MAEL: variants seen among roughly 807,000 people sequenced by gnomAD.
MAEL encodes maelstrom spermatogenic transposon silencer.
MAEL carries 46 observed loss-of-function variants against 62.0 expected under a neutral mutation model. The observed-to-expected ratio is 0.74, with a 90% CI of 0.59 to 0.95. The LOEUF (loss-of-function observed/expected upper bound fraction) is 0.95, where lower values mean the gene tolerates loss of function less well. MAEL is among the 40% of genes least tolerant of loss of function. The probability of loss-of-function intolerance (pLI) is 0.00; values close to 1 mark genes in which losing one functional copy is unlikely to be tolerated. For synonymous variants in MAEL, 172 were observed against 175.5 expected (o/e 0.98, Z 0.16); for missense variants, 497 against 526.8 (o/e 0.94, Z 0.55).
chr1:166,993,251 C>T (rs1571245883), intron 4 of MAEL, among the ~76,000 whole-genome samples: 2 of 152,162 alleles, frequency 1.3e-5, no homozygotes, highest in East Asian at 3.8e-4. Context: ...CCCCTCTGAA[C>T]CTATTAGCTC....
In MAEL at chr1:167,017,873, A is replaced by G. The variant is rs1571280044; in HGVS notation, c.955A>G (p.Thr319Ala). Reference protein sequence around the residue: ...SLATLFGIQLTEAHVPLQDYE... With the variant: ...SLATLFGIQLAEAHVPLQDYE... ...GGCCACTCTCTTTGGAATCCAGCTCACAGAGGCTCATGTACCACTACAAGA... is the reference window on the plus strand; with the variant it reads ...GGCCACTCTCTTTGGAATCCAGCTCGCAGAGGCTCATGTACCACTACAAGA... The change falls in exon 10 of 12, where the codon ACA becomes GCA. Residue 319 changes from threonine (T) to alanine (A), a missense_variant. By Grantham distance (58) the Thr-to-Ala change is moderately conservative. Coordinates refer to ENST00000367872, the MANE Select transcript of MAEL (RefSeq NM_032858.3). The G allele has an allele frequency of 1.2e-6, 2 of 1,613,348 alleles. No individual in the cohort carries two copies. The highest frequency in any genetic ancestry group is 1.3e-5 in the African/African-American group (1 of 74,988).
At chr1:167,013,959 C>G (rs1665276437) in intron 8 of MAEL, among the ~76,000 whole-genome samples, 1 of 152,160 alleles carries the variant, frequency 6.6e-6, no homozygotes, top group African/African-American at 2.4e-5. Flanking sequence ...AGAAGTTCAG[C>G]CTCATGTCTT....
At chr1:166,989,210 A>G (rs1343850357), upstream of MAEL, 3 of 1,100,284 alleles carry the variant, frequency 2.7e-6, no homozygotes, top group Non-Finnish European at 3.8e-6. Flanking sequence ...CCCGCGGGGC[A>G]ATGCGACTGC....
At chr1:166,996,027 A>G (rs952309248) in intron 5 of MAEL, among the ~76,000 whole-genome samples, 3 of 152,222 alleles carry the variant, frequency 2.0e-5, no homozygotes, top group African/African-American at 7.2e-5. Context: ...CATTCCAGGA[A>G]ACTTAAAATG....
chr1:167,014,339 T>G (rs960042996), intron 8 of MAEL, among the ~76,000 whole-genome samples: 1 of 152,246 alleles, frequency 6.6e-6, no homozygotes, highest in Non-Finnish European at 1.5e-5. Flanking sequence ...GAATAGTTTT[T>G]CTTAGTCCAT....
At chr1:166,990,187 G>C (rs1473297523) in intron 2 of MAEL, 1 of 118,670 alleles carries the variant, frequency 8.4e-6, no homozygotes, top group African/African-American at 3.2e-5. Context: ...GCCTTGGCGG[G>C]GGGTGGGGGG....
intron 1 of MAEL, among the ~76,000 whole-genome samples, chr1:166,982,077 A>C (rs981907511): frequency 1.3e-5 from 2 of 152,192 alleles, no homozygotes; most frequent in Admixed American, 1.3e-4. Flanking sequence ...TGAGAAAGAC[A>C]TTGCAAGGAG....
At chr1:167,013,083 G>T (rs1665237229) in intron 8 of MAEL, among the ~76,000 whole-genome samples, 1 of 152,174 alleles carries the variant, frequency 6.6e-6, no homozygotes, top group Non-Finnish European at 1.5e-5. Flanking sequence ...GGATAGATGA[G>T]GAGGAGAGGA....
At position 166,997,761 on chromosome 1, in the gene MAEL, T is replaced by C. The variant is rs1571252463; in HGVS notation, c.523+3692T>C. Among the ~76,000 whole-genome samples, 3 of 152,244 alleles carry C rather than the reference T, an allele frequency of 2.0e-5. No homozygotes were observed. The South Asian group carries it at 6.2e-4, about 31-fold the overall frequency. On this transcript the variant is annotated intron_variant, in intron 5 of 11. Transcript: ENST00000367872. ...ATATTTTTTATCATTTATGGCGTTT[T>C]GTGTCTTATTCAAGAATTCTTTACC... is the stretch of plus-strand genomic sequence containing the variant.
Position 167,017,911 on chromosome 1 carries a change from C to T in MAEL, c.993C>T (p.Ser331=). The T allele has an allele frequency of 6.2e-7, 1 of 1,613,362 alleles. No individual in the cohort carries two copies. The highest frequency in any genetic ancestry group is 1.3e-5 in the African/African-American group (1 of 74,988). ...AHVPLQDYEA[S]NSVTPKMVVL... Reference sequence around the variant, plus strand: ...TACCACTACAAGATTATGAGGCCAGCAATAGTGTGACACCCAAAATGGTTG... The same window carrying T: ...TACCACTACAAGATTATGAGGCCAGTAATAGTGTGACACCCAAAATGGTTG... Residue 331 remains serine, a synonymous_variant, in exon 10 of 12, where the codon AGC becomes AGT. Transcript: ENST00000367872.
chr1:167,014,167 T>C (rs943721734), intron 8 of MAEL, among the ~76,000 whole-genome samples: 2 of 152,212 alleles, frequency 1.3e-5, no homozygotes, highest in African/African-American at 4.8e-5. Flanking sequence ...GCTTTTTTCC[T>C]TTATTGTGGA....
intron 1 of MAEL, among the ~76,000 whole-genome samples, chr1:166,981,038 G>T (rs1663744717): frequency 6.6e-6 from 1 of 152,178 alleles, no homozygotes. Flanking sequence ...CAGCAAATGG[G>T]CAGGGAAGAG....
chr1:167,016,196 A>G, intron 8 of MAEL, 26 bp from the exon 9 acceptor site: 4 of 1,600,696 alleles, frequency 2.5e-6, no homozygotes, highest in Non-Finnish European at 3.4e-6. Context: ...TTCAGTTAGG[A>G]TATTAAAGTC....
intron 1 of MAEL, among the ~76,000 whole-genome samples, chr1:166,980,875 G>C (rs1358163932): frequency 6.6e-6 from 1 of 152,122 alleles, no homozygotes; most frequent in Non-Finnish European, 1.5e-5. Context: ...AGCTGCCTTG[G>C]GCTCTGGGTC....
intron 1 of MAEL, among the ~76,000 whole-genome samples, chr1:166,981,504 G>C (rs1205308120): frequency 1.3e-5 from 2 of 152,044 alleles, no homozygotes; most frequent in Non-Finnish European, 2.9e-5. Flanking sequence ...GAGGGAGGGA[G>C]GGAGGCAAAT....
At chr1:167,005,473 G>A in intron 8 of MAEL, 76 bp downstream of exon 8, 1 of 1,256,256 alleles carries the variant, frequency 8.0e-7, no homozygotes, top group East Asian at 2.4e-5. Context: ...GACTATTTTT[G>A]CCTTTTTATG....
intron 2 of MAEL, 160 bp downstream of exon 2, chr1:166,989,989 T>TA (rs1371911550): frequency 7.4e-5 from 46 of 621,252 alleles, no homozygotes; most frequent in Admixed American, 9.5e-5. Context: ...GAATGCCTGT[T>TA]AAAAAAAACC....
intron 1 of MAEL, 121 bp downstream of exon 1, chr1:166,989,605 G>A (rs1401896955): frequency 4.1e-6 from 6 of 1,477,804 alleles, no homozygotes; most frequent in Non-Finnish European, 4.6e-6. Context: ...GAAGAGGAAG[G>A]CCCCCGTTTG....
At chr1:166,993,586 C>T (rs1664282964) in intron 4 of MAEL, among the ~76,000 whole-genome samples, 1 of 152,234 alleles carries the variant, frequency 6.6e-6, no homozygotes, top group Admixed American at 6.5e-5. Flanking sequence ...CCTACTCACA[C>T]TTGTGAGTGT....
Sources: gnomAD v4.1 joint callset for allele counts (sites outside exome capture counted in the v4.1 genomes callset) on GRCh38, gnomAD v4.1.1 for gene constraint, MANE v1.5 for transcripts, NCBI Gene and HGNC (gene_info 2026-07-23, HGNC 2026-07-21) for gene names.